Variants in PRKAG2 observed in about 807,000 individuals in gnomAD.
PRKAG2 encodes the protein protein kinase AMP-activated non-catalytic subunit gamma 2.
In PRKAG2, 26 loss-of-function variants were observed where a neutral mutation model predicts 69.6. That is an observed-to-expected ratio of 0.37 (90% confidence interval 0.27 to 0.52). The LOEUF is 0.52. PRKAG2 is among the 20% of genes least tolerant of loss of function. The probability of loss-of-function intolerance (pLI) is 0.90; values close to 1 mark genes in which losing one functional copy is unlikely to be tolerated. For synonymous variants in PRKAG2, 293 were observed against 285.0 expected (o/e 1.03, Z -0.28); for missense variants, 557 against 740.0 (o/e 0.75, Z 2.87).
At chr7:151,696,618 G>GC (rs944566485) in intron 3 of PRKAG2, among the ~76,000 whole-genome samples, 10 of 152,182 alleles carry the variant, frequency 6.6e-5, no homozygotes, top group Non-Finnish European at 1.2e-4. Flanking sequence ...GTTTCAGGAA[G>GC]CCCCCCGCAA....
Position 151,614,510 on chromosome 7 carries a change from C to A in PRKAG2, c.754+17559G>T, listed in dbSNP as rs779365601. On this transcript the variant is annotated intron_variant, in intron 5 of 15. Transcript: ENST00000287878. This position sits in a 1 kb window ranked among gnomAD's most constrained non-coding sequence, Gnocchi z 4.4. ...GAGCAGTCAGTGGACGTCTCTGAGACCCTGCTCCCTCCATCGTGACTCTCC... is the reference window on the plus strand; with the variant it reads ...GAGCAGTCAGTGGACGTCTCTGAGAACCTGCTCCCTCCATCGTGACTCTCC... Among the ~76,000 whole-genome samples, 1 of 152,144 alleles carries A rather than the reference C, an allele frequency of 6.6e-6. No individual in the cohort carries two copies. Among genetic ancestry groups the A allele is most frequent in the Non-Finnish European group, 1.5e-5 (1 of 68,030 alleles).
At chr7:151,764,134 T>A (rs1465634571) in intron 3 of PRKAG2, among the ~76,000 whole-genome samples, 1 of 152,186 alleles carries the variant, frequency 6.6e-6, no homozygotes, top group Non-Finnish European at 1.5e-5. Flanking sequence ...AGGTTGGCCC[T>A]GATCTGGCAA....
At chr7:151,576,073 G>A (rs753693629) in intron 7 of PRKAG2, 10 of 405,374 alleles carry the variant, frequency 2.5e-5, no homozygotes, top group Non-Finnish European at 4.1e-5. Flanking sequence ...CTGGGCTCAA[G>A]TGATCCTCCC....
chr7:151,581,689 T>A (rs577225610), intron 6 of PRKAG2, among the ~76,000 whole-genome samples: 2 of 151,758 alleles, frequency 1.3e-5, no homozygotes, highest in South Asian at 4.1e-4. Flanking sequence ...CACATATAGA[T>A]CCAACAGATT....
In PRKAG2 at chr7:151,589,126, G is replaced by A. The variant is rs141842107; in HGVS notation, c.864+6219C>T. ...GCAGGAAGAAGGGCTTGCTCCTCCC[G>A]TCAGCGGCTAGCAGGGCTCCTGTCT... On this transcript the variant is annotated intron_variant, in intron 6 of 15. Coordinates refer to ENST00000287878, the MANE Select transcript of PRKAG2 (RefSeq NM_016203.4). Among the ~76,000 whole-genome samples, 224 of 152,338 alleles carry A rather than the reference G, an allele frequency of 1.5e-3. 6 individuals carry two copies. The East Asian group carries it at 0.036, about 24-fold the overall frequency.
At position 151,832,245 on chromosome 7, in the gene PRKAG2, A is replaced by G. The variant is rs1468242370; in HGVS notation, c.114+44262T>C. ...GGAGGAGGGAAGGAGAGGAGGAGGG[A>G]AGGAAGGGAGGAGGGAAGGAAGGGA... On this transcript the variant is annotated intron_variant, in intron 1 of 15. Transcript: ENST00000287878. Among the ~76,000 whole-genome samples the G allele has an allele frequency of 6.3e-3, 106 of 16,868 alleles. 1 individual carries two copies. Among genetic ancestry groups the G allele is most frequent in the South Asian group, 0.028 (7 of 248 alleles). 11.1% of individuals were successfully genotyped at this position (16,868 alleles called of 152,430 possible). A position where few individuals can be genotyped will look rare whatever the true frequency, so the allele number is the denominator to read the frequency against.
rs551431376 is a variant in PRKAG2, at chr7:151,771,887, C to T, written c.466+9265G>A. ...ATCCCTGGGTCAGTATAGCCATCAT[C>T]TTGTATTCAGAAGCATCAGCCCACA... On this transcript the variant is annotated intron_variant, in intron 3 of 15. Coordinates refer to ENST00000287878, the MANE Select transcript of PRKAG2 (RefSeq NM_016203.4). This position sits in a 1 kb window ranked among gnomAD's most constrained non-coding sequence, Gnocchi z 4.0. Among the ~76,000 whole-genome samples the T allele has an allele frequency of 1.3e-5, 2 of 152,316 alleles. No homozygotes were observed. Among genetic ancestry groups the T allele is most frequent in the East Asian group, 3.9e-4 (2 of 5,186 alleles).
chr7:151,743,823 G>A (rs1021462407), intron 3 of PRKAG2, among the ~76,000 whole-genome samples: 5 of 152,208 alleles, frequency 3.3e-5, no homozygotes, highest in African/African-American at 4.8e-5. Context: ...GGGAGGCTGT[G>A]CTGACTGCTC....
intron 3 of PRKAG2, among the ~76,000 whole-genome samples, chr7:151,703,958 CGGCT>C (rs1212813022): frequency 6.7e-6 from 1 of 149,818 alleles, no homozygotes; most frequent in Non-Finnish European, 1.5e-5. Context: ...GCTACTCAGG[CGGCT>C]GAGGCAGGAG....
At chr7:151,644,413 G>C (rs1827235076) in intron 4 of PRKAG2, among the ~76,000 whole-genome samples, 1 of 152,036 alleles carries the variant, frequency 6.6e-6, no homozygotes, top group Admixed American at 6.6e-5. Flanking sequence ...ATATTTCCTA[G>C]AATTTTGTGT....
intron 1 of PRKAG2, among the ~76,000 whole-genome samples, chr7:151,855,436 C>CAT: frequency 1.6e-5 from 1 of 62,616 alleles, no homozygotes; most frequent in African/African-American, 5.9e-5. Context: ...CCACACACAC[C>CAT]GCCCTCCACA....
intron 1 of PRKAG2, among the ~76,000 whole-genome samples, chr7:151,844,926 T>C (rs939061494): frequency 6.6e-6 from 1 of 150,438 alleles, no homozygotes; most frequent in African/African-American, 2.5e-5. Context: ...ATGAATTCTG[T>C]GCTCCCCAGC....
At position 151,579,668 on chromosome 7, in the gene PRKAG2, T is replaced by C. The variant is rs1809871712; in HGVS notation, c.865-3216A>G. Reference sequence around the variant, plus strand: ...GGGCATTTCCCACATCATCTGCACATAGGTCAATTTCAACAAGAAGCTGAA... The same window carrying C: ...GGGCATTTCCCACATCATCTGCACACAGGTCAATTTCAACAAGAAGCTGAA... On this transcript the variant is annotated intron_variant, in intron 6 of 15. Transcript: ENST00000287878. Among the ~76,000 whole-genome samples the C allele has an allele frequency of 2.0e-5, 3 of 152,106 alleles. No homozygotes were observed. The South Asian group carries it at 6.2e-4, about 31-fold the overall frequency.
At chr7:151,820,501 G>GTCTCCAACTT (rs1563728068) in intron 1 of PRKAG2, among the ~76,000 whole-genome samples, 49 of 97,256 alleles carry the variant, frequency 5.0e-4, no homozygotes, top group Middle Eastern at 5.8e-3. Flanking sequence ...CCGCTCCGTG[G>GTCTCCAACTT]CCTGGCCCCT....
chr7:151,694,602 C>A (rs1443249925), intron 3 of PRKAG2, among the ~76,000 whole-genome samples: 3 of 152,200 alleles, frequency 2.0e-5, no homozygotes, highest in African/African-American at 4.8e-5. Flanking sequence ...CAAGGTTCAT[C>A]CACAAGGCAG....
intron 3 of PRKAG2, among the ~76,000 whole-genome samples, chr7:151,751,315 C>T (rs1042183238): frequency 2.2e-4 from 34 of 151,566 alleles, no homozygotes; most frequent in African/African-American, 6.1e-4. Flanking sequence ...GGGGTTTCAC[C>T]GTGTTAGCCA....
intron 7 of PRKAG2, among the ~76,000 whole-genome samples, chr7:151,575,524 T>C (rs1405569727): frequency 6.6e-6 from 1 of 152,238 alleles, no homozygotes; most frequent in Non-Finnish European, 1.5e-5. Context: ...TGGCATTGTC[T>C]GCTGTGATTC....
At chr7:151,847,328 A>C (rs530200946) in intron 1 of PRKAG2, among the ~76,000 whole-genome samples, 2 of 152,258 alleles carry the variant, frequency 1.3e-5, no homozygotes, top group Non-Finnish European at 2.9e-5. Flanking sequence ...CCTCTGGCCA[A>C]GGGTTAGCAG....
At chr7:151,841,513 TGATGGTAGGGATGGTAGG>T (rs376083668) in intron 1 of PRKAG2, among the ~76,000 whole-genome samples, 209 of 141,466 alleles carry the variant, frequency 1.5e-3, no homozygotes, top group Non-Finnish European at 2.0e-3. Flanking sequence ...GGGATGGTAG[TGATGGTAGGGATGGTAGG>T]GATGGTAGTG....
Sources: gnomAD v4.1 joint callset for allele counts (sites outside exome capture counted in the v4.1 genomes callset) on GRCh38, gnomAD v4.1.1 for gene constraint, Gnocchi (gnomAD v3.1) non-coding constraint, MANE v1.5 for transcripts, NCBI Gene and HGNC (gene_info 2026-07-23, HGNC 2026-07-21) for gene names.